The following VPS53 variants were observed in gnomAD, a reference collection of about 807,000 sequenced individuals.
VPS53 encodes the protein vacuolar protein sorting-associated protein 53 homolog.
In VPS53, 70 loss-of-function variants were observed where a neutral mutation model predicts 107.0. That is an observed-to-expected ratio of 0.65 (90% confidence interval 0.54 to 0.80). The LOEUF (loss-of-function observed/expected upper bound fraction) is 0.80. Ranked by LOEUF, VPS53 falls within the 30% of genes least tolerant of loss-of-function variation. The pLI, the probability that VPS53 is intolerant of heterozygous loss-of-function variation, is 0.00. For synonymous variants in VPS53, 409 were observed against 393.3 expected (o/e 1.04, Z -0.47); for missense variants, 917 against 1,049.4 (o/e 0.87, Z 1.74).
At chr17:680,166 C>G (rs141812866) in intron 4 of VPS53, among the ~76,000 whole-genome samples, 1 of 152,002 alleles carries the variant, frequency 6.6e-6, no homozygotes, top group East Asian at 1.9e-4. Context: ...TGGTAGCAGG[C>G]GTCTGTTATC....
intron 4 of VPS53, among the ~76,000 whole-genome samples, chr17:669,556 G>A (rs2143684006): frequency 6.8e-6 from 1 of 148,004 alleles, no homozygotes; most frequent in Non-Finnish European, 1.5e-5. Flanking sequence ...TTGCGCCACT[G>A]CACTCCAGCC....
chr17:706,629 A>G (rs1203560356), intron 2 of VPS53, among the ~76,000 whole-genome samples: 3 of 152,108 alleles, frequency 2.0e-5, no homozygotes, highest in Non-Finnish European at 4.4e-5. Context: ...AAGATAGACT[A>G]TGAAGTCTGT....
chr17:613,477 T>C, intron 11 of VPS53, among the ~76,000 whole-genome samples: 1 of 152,174 alleles, frequency 6.6e-6, no homozygotes, highest in Non-Finnish European at 1.5e-5. Flanking sequence ...CCTGTACAAA[T>C]ATTCACATAG....
intron 17 of VPS53, among the ~76,000 whole-genome samples, chr17:539,952 C>CCCAAACCAGGTCTATG (rs1189822065): frequency 6.6e-6 from 1 of 152,038 alleles, no homozygotes; most frequent in African/African-American, 2.4e-5. Flanking sequence ...CCAGGTCTAT[C>CCCAAACCAGGTCTATG]TAAAGCCCAA....
intron 4 of VPS53, among the ~76,000 whole-genome samples, chr17:680,392 A>T (rs1335595598): frequency 6.6e-6 from 1 of 152,228 alleles, no homozygotes; most frequent in East Asian, 1.9e-4. Context: ...TTTTAACATG[A>T]ATCAAAATCC....
intron 4 of VPS53, among the ~76,000 whole-genome samples, chr17:677,371 C>T (rs939555928): frequency 2.6e-5 from 4 of 152,118 alleles, no homozygotes; most frequent in African/African-American, 7.2e-5. Context: ...TGTAGAATTC[C>T]ACTTATATTA....
At chr17:539,959 C>G (rs1910484397) in intron 17 of VPS53, among the ~76,000 whole-genome samples, 1 of 151,982 alleles carries the variant, frequency 6.6e-6, no homozygotes, top group South Asian at 2.1e-4. Context: ...TATCTAAAGC[C>G]CAAACCAAGT....
At chr17:604,378 C>T (rs757222170) in intron 11 of VPS53, among the ~76,000 whole-genome samples, 3 of 152,094 alleles carry the variant, frequency 2.0e-5, no homozygotes, top group Non-Finnish European at 2.9e-5. Context: ...ATCAAGAAAA[C>T]GCAGAGGGTA....
chr17:578,488 T>C lies in VPS53; in HGVS notation c.1313+7782A>G, dbSNP rs390510. ...TTCCCAGAGAACCTCTCTCAGAACC[T>C]AATGCATTCCTAGAGAACTTCCCTC... On this transcript the variant is annotated intron_variant, in intron 13 of 21. Coordinates refer to ENST00000437048, the MANE Select transcript of VPS53 (RefSeq NM_001128159.3). 9.7e-3 allele frequency among the ~76,000 whole-genome samples: 1,450 copies of C among 149,710 alleles called. 27 individuals are homozygous for C. Among genetic ancestry groups the C allele is most frequent in the African/African-American group, 0.034 (1,378 of 40,328 alleles).
chr17:618,294 G>A (rs1464013736), intron 11 of VPS53, among the ~76,000 whole-genome samples: 1 of 97,630 alleles, frequency 1.0e-5, no homozygotes, highest in African/African-American at 3.2e-5. Context: ...GGGACTACAG[G>A]CGTGCGCCAC....
At chr17:527,723 C>T (rs959127972) in intron 19 of VPS53, among the ~76,000 whole-genome samples, 2 of 152,154 alleles carry the variant, frequency 1.3e-5, no homozygotes, top group African/African-American at 4.8e-5. Flanking sequence ...AACTGATCCT[C>T]CTGTCTCAGC....
chr17:536,031 C>A (rs1910033358), intron 18 of VPS53, among the ~76,000 whole-genome samples: 1 of 152,158 alleles, frequency 6.6e-6, no homozygotes, highest in South Asian at 2.1e-4. Flanking sequence ...AAAATGCTTG[C>A]TTGATAACTG....
rs542828549 is a variant in VPS53 at position 658,660 on chromosome 17, C to T, written c.373-2707G>A. ...AAAGTGAGATACTCGGCCGTGAGTT[C>T]GTGGATAGATACATCCCACTGAAGT... On this transcript the variant is annotated intron_variant, in intron 5 of 21. Transcript: ENST00000437048. Among the ~76,000 whole-genome samples the T allele has an allele frequency of 7.7e-4, 112 of 146,074 alleles. 3 individuals carry two copies. Among genetic ancestry groups the T allele is most frequent in the African/African-American group, 2.8e-3 (109 of 39,182 alleles).
At chr17:646,942 A>T (rs1970738615) in intron 7 of VPS53, among the ~76,000 whole-genome samples, 1 of 152,230 alleles carries the variant, frequency 6.6e-6, no homozygotes, top group African/African-American at 2.4e-5. Flanking sequence ...AGACTCCTGT[A>T]CCTCTATAAT....
In VPS53 at chr17:656,225, C is replaced by T. The variant is rs145394570; in HGVS notation, c.373-272G>A. The stretch of plus-strand genomic sequence containing the variant: ...TTTACCCCAAATGAAATGATCCAAA[C>T]AGCAATTCAGTATTGAGCACACAGG... On this transcript the variant is annotated intron_variant, in intron 5 of 21. Transcript: ENST00000437048. Among the ~76,000 whole-genome samples, 247 of 152,292 alleles carry T rather than the reference C, an allele frequency of 1.6e-3. 1 individual carries two copies. Among genetic ancestry groups the T allele is most frequent in the African/African-American group, 5.7e-3 (236 of 41,566 alleles).
intron 4 of VPS53, among the ~76,000 whole-genome samples, chr17:664,459 GA>G (rs1321677110): frequency 6.6e-6 from 1 of 152,156 alleles, no homozygotes; most frequent in African/African-American, 2.4e-5. Context: ...TTGGAGGTCC[GA>G]AAAGACAGAC....
chr17:687,143 G>A (rs1442277220), intron 4 of VPS53, among the ~76,000 whole-genome samples: 1 of 152,142 alleles, frequency 6.6e-6, no homozygotes, highest in Non-Finnish European at 1.5e-5. Context: ...AAACTAGCCA[G>A]GCGTGGTGGT....
intron 5 of VPS53, among the ~76,000 whole-genome samples, chr17:660,874 C>T (rs1273407334): frequency 6.6e-6 from 1 of 152,176 alleles, no homozygotes; most frequent in Admixed American, 6.5e-5. Context: ...AACTGACAGA[C>T]AGGACATTAT....
At chr17:573,023 A>G (rs1325117382) in intron 13 of VPS53, among the ~76,000 whole-genome samples, 2 of 151,950 alleles carry the variant, frequency 1.3e-5, no homozygotes, top group Non-Finnish European at 2.9e-5. Flanking sequence ...AAGAATGATC[A>G]ATAAAAATAA....
Sources: allele counts gnomAD v4.1 joint callset (sites outside exome capture counted in the v4.1 genomes callset), GRCh38; gene constraint gnomAD v4.1.1; transcripts MANE v1.5; gene names NCBI Gene and HGNC (gene_info 2026-07-23, HGNC 2026-07-21).